UBE2F: variants seen among roughly 807,000 people sequenced by gnomAD.
UBE2F encodes NEDD8-conjugating enzyme UBE2F.
Under a neutral mutation model 29.6 loss-of-function variants are expected in UBE2F, and 5 were observed. That is an observed-to-expected ratio of 0.17 (90% CI 0.09 to 0.36). The LOEUF is 0.36. Among genes scored for constraint, UBE2F ranks in the 10% least tolerant of loss-of-function variants. The pLI, the probability that UBE2F is intolerant of heterozygous loss-of-function variation, is 1.00. For missense variants in UBE2F, 141 were observed against 228.5 expected, an observed-to-expected ratio of 0.62 and a Z score of 2.47; for synonymous variants, 66 against 81.8, an observed-to-expected ratio of 0.81 and a Z score of 1.04.
chr2:237,972,541 ATTTTTTTTTT>A (rs57914670), intron 1 of UBE2F, among the ~76,000 whole-genome samples: 20 of 124,252 alleles, frequency 1.6e-4, no homozygotes, highest in Non-Finnish European at 2.5e-4. Flanking sequence ...TTAATTTTAA[ATTTTTTTTTT>A]TTTTTTTTTT....
intron 4 of UBE2F, among the ~76,000 whole-genome samples, chr2:238,000,682 C>A (rs2063774879): frequency 6.6e-6 from 1 of 152,180 alleles, no homozygotes; most frequent in Non-Finnish European, 1.5e-5. Flanking sequence ...AAATACAAAG[C>A]AGTTAAATTA....
At chr2:238,006,638 C>T (rs916098174) in intron 4 of UBE2F, among the ~76,000 whole-genome samples, 2 of 152,192 alleles carry the variant, frequency 1.3e-5, no homozygotes, top group African/African-American at 2.4e-5. Flanking sequence ...TTATCTCTCC[C>T]TTTCAGTCTG....
In UBE2F at chr2:238,014,365, A is replaced by C. The variant is rs114528153; in HGVS notation, c.215-2201A>C. 1.9e-3 allele frequency among the ~76,000 whole-genome samples: 285 copies of C among 152,388 alleles called. 2 individuals carry two copies. The highest frequency in any genetic ancestry group is 6.5e-3 in the African/African-American group (270 of 41,594). On this transcript the variant is annotated intron_variant, in intron 4 of 9. Coordinates refer to ENST00000272930, the MANE Select transcript of UBE2F (RefSeq NM_080678.3). ...GTTTCATGAAAGAGAAAAAAATAAA[A>C]CAGTCTGTTCTCACTTTTTAATGAG... is the stretch of plus-strand genomic sequence containing the variant.
chr2:238,039,277 G>A (rs1156985330), intron 9 of UBE2F, among the ~76,000 whole-genome samples: 1 of 152,158 alleles, frequency 6.6e-6, no homozygotes, highest in Non-Finnish European at 1.5e-5. Context: ...AAAAAAATAG[G>A]TGAACAAACA....
intron 3 of UBE2F, among the ~76,000 whole-genome samples, chr2:237,991,508 T>C (rs535563568): frequency 6.6e-6 from 1 of 151,786 alleles, no homozygotes; most frequent in Admixed American, 6.6e-5. Flanking sequence ...CATGCCTACA[T>C]GTAGATAAAA....
chr2:237,981,182 G>A (rs1278235858), intron 2 of UBE2F, among the ~76,000 whole-genome samples: 1 of 152,150 alleles, frequency 6.6e-6, no homozygotes, highest in Non-Finnish European at 1.5e-5. Flanking sequence ...CGTTCTTCAG[G>A]TGGTGAGGGT....
chr2:237,999,136 G>T (rs2063743984), intron 4 of UBE2F, among the ~76,000 whole-genome samples: 1 of 147,246 alleles, frequency 6.8e-6, no homozygotes, highest in Non-Finnish European at 1.5e-5. Context: ...AGGCTGGAGT[G>T]CAGTGGTGCA....
At chr2:238,032,080 T>C in intron 7 of UBE2F, 142 bp from the exon 8 acceptor site, 1 of 652,312 alleles carries the variant, frequency 1.5e-6, no homozygotes, top group East Asian at 2.7e-5. Flanking sequence ...AGAGAAGTTA[T>C]TTTAATTTTC....
chr2:238,017,671 A>G (rs951326277), intron 5 of UBE2F, among the ~76,000 whole-genome samples: 1 of 152,198 alleles, frequency 6.6e-6, no homozygotes. Context: ...GCAGTTCAGC[A>G]TGCTTGTCTT....
At chr2:237,985,395 C>T (rs774871765) in intron 2 of UBE2F, among the ~76,000 whole-genome samples, 4 of 152,008 alleles carry the variant, frequency 2.6e-5, no homozygotes, top group Non-Finnish European at 5.9e-5. Context: ...GCCCTAGTCA[C>T]CACCGTTTTC....
intron 8 of UBE2F, 115 bp downstream of exon 8, chr2:238,032,369 T>A: frequency 1.1e-6 from 1 of 900,786 alleles, no homozygotes; most frequent in Non-Finnish European, 1.8e-6. Flanking sequence ...AAACATGGAC[T>A]GGGCACAGTG....
At chr2:238,001,798 C>A (rs1394916010) in intron 4 of UBE2F, among the ~76,000 whole-genome samples, 1 of 151,644 alleles carries the variant, frequency 6.6e-6, no homozygotes, top group Non-Finnish European at 1.5e-5. Context: ...CCAGCCTGGG[C>A]GACAGAGCAA....
rs922345561 is a variant in UBE2F, at chr2:238,038,756, C to T, written c.508-2532C>T. 3.9e-5 allele frequency among the ~76,000 whole-genome samples: 6 copies of T among 152,370 alleles called. No homozygotes were observed. In the South Asian group the frequency reaches 6.2e-4, roughly 16 times the overall value. ...AGCCTAAGCAGTGCCGCCCCATCCCCGTCTCCGTGCGGAGTCATAGTCACA... is the reference window on the plus strand; with the variant it reads ...AGCCTAAGCAGTGCCGCCCCATCCCTGTCTCCGTGCGGAGTCATAGTCACA... On this transcript the variant is annotated intron_variant, in intron 9 of 9. Coordinates refer to ENST00000272930, the MANE Select transcript of UBE2F (RefSeq NM_080678.3).
intron 1 of UBE2F, 115 bp from the exon 2 acceptor site, chr2:237,972,977 C>T: frequency 8.1e-7 from 1 of 1,232,898 alleles, no homozygotes; most frequent in Non-Finnish European, 1.1e-6. Context: ...AAATTTTTTC[C>T]ATAACTAAAT....
Position 238,016,482 on chromosome 2 carries a change from A to G in UBE2F, c.215-84A>G, listed in dbSNP as rs1392860778. 5 of 1,197,340 alleles carry G rather than the reference A, an allele frequency of 4.2e-6. No homozygotes were observed. The East Asian group carries it at 9.4e-5, about 22-fold the overall frequency. 74.2% of individuals were successfully genotyped at this position (1,197,340 alleles called of 1,614,324 possible). A position where few individuals can be genotyped will look rare whatever the true frequency, so the allele number is the denominator to read the frequency against. ...AAACTCCTGATTCTCTGTATTTGCC[A>G]TATCCTAACAGAGTGTTTGCTTTTT... is the stretch of plus-strand genomic sequence containing the variant. On this transcript the variant is annotated intron_variant, in intron 4 of 9. Coordinates refer to ENST00000272930, the MANE Select transcript of UBE2F (RefSeq NM_080678.3).
At chr2:238,014,948 A>T (rs2064119920) in intron 4 of UBE2F, among the ~76,000 whole-genome samples, 1 of 152,240 alleles carries the variant, frequency 6.6e-6, no homozygotes, top group South Asian at 2.1e-4. Flanking sequence ...GTGTATTTAT[A>T]AAAACTAGAA....
intron 2 of UBE2F, among the ~76,000 whole-genome samples, chr2:237,984,029 C>T (rs2063429210): frequency 6.6e-6 from 1 of 151,728 alleles, no homozygotes; most frequent in African/African-American, 2.4e-5. Flanking sequence ...TCTTCTTCCC[C>T]CTCCCCTACT....
At chr2:238,038,801 T>A (rs905360811) in intron 9 of UBE2F, among the ~76,000 whole-genome samples, 5 of 152,244 alleles carry the variant, frequency 3.3e-5, no homozygotes, top group Admixed American at 3.3e-4. Flanking sequence ...CACCGCATCC[T>A]TATGTCCACT....
chr2:238,037,304 C>T (rs1175612453), intron 9 of UBE2F, among the ~76,000 whole-genome samples: 1 of 152,242 alleles, frequency 6.6e-6, no homozygotes, highest in Non-Finnish European at 1.5e-5. Context: ...CACCTTTCCA[C>T]TGTGCTTGAG....
Sources: gnomAD v4.1 joint callset for allele counts (sites outside exome capture counted in the v4.1 genomes callset) on GRCh38, gnomAD v4.1.1 for gene constraint, MANE v1.5 for transcripts, NCBI Gene and HGNC (gene_info 2026-07-23, HGNC 2026-07-21) for gene names.